The following MEIG1 variants were observed in gnomAD, a reference collection of about 807,000 sequenced individuals.
The protein encoded by MEIG1 is meiosis/spermiogenesis associated 1.
In MEIG1, 12 loss-of-function variants were observed where a neutral mutation model predicts 11.3. That is an observed-to-expected ratio of 1.07 (90% confidence interval 0.68 to 1.73). The LOEUF (loss-of-function observed/expected upper bound fraction) is 1.73. Ranked by LOEUF, MEIG1 falls within the 40% of genes most tolerant of loss-of-function variation. MEIG1 has a pLI of 0.00. For missense variants in MEIG1, 119 were observed against 104.9 expected, an observed-to-expected ratio of 1.13 and a Z score of -0.59; for synonymous variants, 41 against 33.2, an observed-to-expected ratio of 1.24 and a Z score of -0.81.
upstream of MEIG1, among the ~76,000 whole-genome samples, chr10:14,956,582 C>T (rs552587131): frequency 6.6e-6 from 1 of 151,990 alleles, no homozygotes; most frequent in African/African-American, 2.4e-5. Context: ...AACTCCATCT[C>T]GAAAGCAAAA....
intron 2 of MEIG1, among the ~76,000 whole-genome samples, chr10:14,971,859 T>C (rs778584431): frequency 2.6e-5 from 4 of 152,196 alleles, no homozygotes; most frequent in Admixed American, 2.0e-4. Flanking sequence ...GGCTCAGGCC[T>C]GTAATTCCAG....
exon 2 of MEIG1, chr10:14,986,850 A>G: frequency 2.5e-6 from 1 of 405,188 alleles, no homozygotes; most frequent in Non-Finnish European, 4.7e-6. Flanking sequence ...GACTCAAGTG[A>G]TCCCAGCGAC....
upstream of MEIG1, among the ~76,000 whole-genome samples, chr10:14,958,305 T>A (rs948675635): frequency 2.6e-5 from 4 of 152,168 alleles, no homozygotes; most frequent in African/African-American, 4.8e-5. Flanking sequence ...AAGTAAATAG[T>A]TTTTTGTTTT....
chr10:14,964,564 A>AGTGTGT (rs151283080), intron 1 of MEIG1, among the ~76,000 whole-genome samples: 5,870 of 104,300 alleles, frequency 0.056, 458 homozygotes, highest in East Asian at 0.21. Flanking sequence ...TGTATATAAG[A>AGTGTGT]GTGTGTGTGT....
chr10:14,983,623 C>T (rs1253342054), intron 1 of MEIG1, among the ~76,000 whole-genome samples: 2 of 151,982 alleles, frequency 1.3e-5, no homozygotes, highest in African/African-American at 2.4e-5. Context: ...AGTGTACAAA[C>T]CCGTGTACTA....
At chr10:14,957,631 GTTTT>G (rs979638477), upstream of MEIG1, among the ~76,000 whole-genome samples, 1 of 152,044 alleles carries the variant, frequency 6.6e-6, no homozygotes, top group Non-Finnish European at 1.5e-5. Flanking sequence ...TTTGACTTAG[GTTTT>G]TTTGTTTTGT....
intron 1 of MEIG1, among the ~76,000 whole-genome samples, chr10:14,985,097 C>A (rs1476156985): frequency 2.0e-5 from 3 of 150,084 alleles, no homozygotes; most frequent in Admixed American, 2.0e-4. Context: ...TCGTTATTTC[C>A]TCGGGGGATG....
At chr10:14,976,053 C>A (rs1374622406), downstream of MEIG1, among the ~76,000 whole-genome samples, 4 of 152,080 alleles carry the variant, frequency 2.6e-5, no homozygotes, top group Non-Finnish European at 2.9e-5. Flanking sequence ...AGGGGGGGAC[C>A]GGGGGGTGAT....
rs1843326711 is a variant in MEIG1, at chr10:14,987,153, G to A, written n.285+139G>A. 1.7e-5 allele frequency: 15 copies of A among 897,226 alleles called. No individual in the cohort carries two copies. The South Asian group carries it at 2.0e-4, about 12-fold the overall frequency. 55.6% of individuals were successfully genotyped at this position (897,226 alleles called of 1,614,324 possible). A position where few individuals can be genotyped will look rare whatever the true frequency, so the allele number is the denominator to read the frequency against. On this transcript the variant is annotated intron_variant and non_coding_transcript_variant, in intron 2 of 2. Transcript: ENST00000467536. ...GACATCTGTGTCAGGCAGCCCGCAT[G>A]AGAGATGACTCTGCTATGCGACTGC...
chr10:14,980,729 G>A (rs529863685), intron 1 of MEIG1, among the ~76,000 whole-genome samples: 75 of 152,252 alleles, frequency 4.9e-4, no homozygotes, highest in Admixed American at 1.2e-3. Context: ...CGAAGATGGT[G>A]GGGGAGTTCT....
chr10:14,977,591 G>C (rs925993434), downstream of MEIG1, among the ~76,000 whole-genome samples: 2 of 120,056 alleles, frequency 1.7e-5, no homozygotes, highest in Admixed American at 8.5e-5. Flanking sequence ...TACACACATG[G>C]GGTACACCCA....
downstream of MEIG1, among the ~76,000 whole-genome samples, chr10:14,975,509 A>G (rs951668078): frequency 6.6e-6 from 1 of 152,188 alleles, no homozygotes; most frequent in African/African-American, 2.4e-5. Context: ...CCCGTGTACT[A>G]TTGTTGCTAT....
intron 2 of MEIG1, among the ~76,000 whole-genome samples, chr10:14,967,889 C>T (rs1050565142): frequency 2.0e-5 from 3 of 151,878 alleles, no homozygotes; most frequent in Non-Finnish European, 4.4e-5. Flanking sequence ...TTTTTCAAAT[C>T]GTTGCAAATC....
downstream of MEIG1, among the ~76,000 whole-genome samples, chr10:14,973,079 T>A (rs1429111664): frequency 1.3e-5 from 2 of 151,992 alleles, no homozygotes; most frequent in Admixed American, 1.3e-4. Flanking sequence ...TTGGCCAGGG[T>A]GGTCTCAAAC....
At chr10:14,978,493 G>A (rs959898074) in intron 1 of MEIG1, among the ~76,000 whole-genome samples, 2 of 151,686 alleles carry the variant, frequency 1.3e-5, no homozygotes, top group Non-Finnish European at 2.9e-5. Context: ...GATATCACAG[G>A]GGTGCACACC....
At chr10:14,967,178 T>C (rs562909913) in intron 2 of MEIG1, among the ~76,000 whole-genome samples, 186 of 108,132 alleles carry the variant, frequency 1.7e-3, no homozygotes, top group Middle Eastern at 9.4e-3. Flanking sequence ...TCTTTTGCGG[T>C]AGACCACAAA....
In MEIG1 at chr10:14,978,394, T is replaced by C. The variant is rs150421587; in HGVS notation, n.66+5774T>C. 2.0e-3 allele frequency among the ~76,000 whole-genome samples: 310 copies of C among 152,052 alleles called. 3 individuals are homozygous for C. The highest frequency in any genetic ancestry group is 7.1e-3 in the African/African-American group (293 of 41,438). On this transcript the variant is annotated intron_variant and non_coding_transcript_variant, in intron 1 of 2. Coordinates refer to the MEIG1 transcript ENST00000467536. ...CCACACTGTGATATTATTAGTAACA[T>C]CCTAGGGGAATATTAGTCCAAAACC... is the stretch of plus-strand genomic sequence containing the variant.
chr10:14,983,970 C>T (rs1843290010), intron 1 of MEIG1, among the ~76,000 whole-genome samples: 1 of 152,040 alleles, frequency 6.6e-6, no homozygotes, highest in South Asian at 2.1e-4. Context: ...GAGGATGATA[C>T]TACACCCAAT....
chr10:14,964,106 A>G (rs985486856), intron 1 of MEIG1, among the ~76,000 whole-genome samples: 1 of 152,008 alleles, frequency 6.6e-6, no homozygotes, highest in Non-Finnish European at 1.5e-5. Context: ...CAAAAAAAAA[A>G]AAAAAAAAAG....
Sources: gnomAD v4.1 joint callset for allele counts (sites outside exome capture counted in the v4.1 genomes callset) on GRCh38, gnomAD v4.1.1 for gene constraint, MANE v1.5 for transcripts, NCBI Gene and HGNC (gene_info 2026-07-23, HGNC 2026-07-21) for gene names.